FREM1: variants seen among roughly 807,000 people sequenced by gnomAD.
The protein encoded by FREM1 is FRAS1-related extracellular matrix protein 1.
In FREM1, 220 loss-of-function variants were observed where a neutral mutation model predicts 210.1. The ratio of observed to expected loss-of-function variants is 1.05; its 90% CI spans 0.94 to 1.17. The LOEUF is 1.17. FREM1 is among the 50% of genes most tolerant of loss of function. FREM1 has a pLI of 0.00. For missense variants in FREM1, 3,454 were observed against 2,675.5 expected (o/e 1.29, Z -6.42); for synonymous variants, 1,189 against 980.2 (o/e 1.21, Z -3.98).
In FREM1 at chr9:14,823,302, G is replaced by C. The variant is rs761908383; in HGVS notation, c.2195C>G (p.Ala732Gly). 12 of 1,613,830 alleles carry C rather than the reference G, an allele frequency of 7.4e-6. No individual in the cohort carries two copies. Among genetic ancestry groups the C allele is most frequent in the Non-Finnish European group, 9.3e-6 (11 of 1,179,792 alleles). The change falls in exon 13 of 37, where the codon GCC becomes GGC. Residue 732 changes from alanine (A) to glycine (G), a missense_variant. Transcript: ENST00000380880. The part of the protein sequence containing the change: ...TQHAVNYMKV[A>G]YMPPMQDIGP... Reference sequence around the variant, plus strand: ...AATGTCTTGCATGGGGGGCATGTAGGCCACTTTCATATAGTTCACAGCATG... The same window carrying C: ...AATGTCTTGCATGGGGGGCATGTAGCCCACTTTCATATAGTTCACAGCATG...
At chr9:14,760,005 C>G (rs1217903986) in intron 27 of FREM1, 104 bp from the exon 28 acceptor site, 1 of 773,230 alleles carries the variant, frequency 1.3e-6, no homozygotes, top group Non-Finnish European at 2.0e-6. Context: ...TCAACCTACA[C>G]CAGTGATGGA....
chr9:14,807,242 G>A (rs1436858157), intron 17 of FREM1, among the ~76,000 whole-genome samples: 1 of 152,160 alleles, frequency 6.6e-6, no homozygotes, highest in East Asian at 1.9e-4. Flanking sequence ...CGTAGTTTAT[G>A]TACTCTTCAA....
chr9:14,792,678 T>A (rs892592092), intron 22 of FREM1, 65 bp downstream of exon 22: 1 of 1,198,022 alleles, frequency 8.3e-7, no homozygotes, highest in Non-Finnish European at 1.2e-6. Context: ...CATAGAAATG[T>A]GTATATTGAG....
chr9:14,775,756 C>T, intron 25 of FREM1, 33 bp downstream of exon 25: 1 of 1,054,830 alleles, frequency 9.5e-7, no homozygotes, highest in Non-Finnish European at 1.4e-6. Context: ...GTTTTCACAT[C>T]TCTGGCAAAT....
At chr9:14,851,225 G>C (rs1827680930) in intron 6 of FREM1, 59 bp downstream of exon 6, 3 of 1,249,974 alleles carry the variant, frequency 2.4e-6, no homozygotes, top group Non-Finnish European at 2.2e-6. Flanking sequence ...TAGGGTAGGG[G>C]GTTCTTAAAT....
At chr9:14,864,025 G>A in intron 2 of FREM1, 122 bp from the exon 3 acceptor site, 1 of 666,190 alleles carries the variant, frequency 1.5e-6, no homozygotes, top group Admixed American at 2.1e-5. Context: ...ATGTGTGTGA[G>A]TGTGTGTGTC....
intron 27 of FREM1, among the ~76,000 whole-genome samples, chr9:14,763,228 G>T (rs148980369): frequency 7.9e-5 from 12 of 152,278 alleles, no homozygotes; most frequent in African/African-American, 2.9e-4. Flanking sequence ...TGTCCTGTGT[G>T]GGAATGATGT....
intron 10 of FREM1, among the ~76,000 whole-genome samples, chr9:14,838,806 TCTTA>T (rs1315709893): frequency 6.6e-6 from 1 of 152,154 alleles, no homozygotes; most frequent in African/African-American, 2.4e-5. Context: ...GAAATAGTGG[TCTTA>T]CTTTACAGAA....
At chr9:14,783,899 T>G (rs1041444588) in intron 24 of FREM1, among the ~76,000 whole-genome samples, 5 of 152,324 alleles carry the variant, frequency 3.3e-5, no homozygotes, top group African/African-American at 1.2e-4. Context: ...AGTCTCTGTT[T>G]ATGCCAAATG....
chr9:14,889,025 T>C (rs1836313651), intron 1 of FREM1, among the ~76,000 whole-genome samples: 1 of 152,214 alleles, frequency 6.6e-6, no homozygotes, highest in Admixed American at 6.5e-5. Flanking sequence ...TTCCTTGCAA[T>C]TGTGCTTTTA....
intron 16 of FREM1, among the ~76,000 whole-genome samples, chr9:14,809,041 T>G (rs534362762): frequency 2.0e-5 from 3 of 152,264 alleles, no homozygotes; most frequent in African/African-American, 7.2e-5. Flanking sequence ...ATTCCCACAT[T>G]TCGTGAGAGG....
At chr9:14,905,610 C>T (rs763256040) in intron 1 of FREM1, among the ~76,000 whole-genome samples, 9 of 152,156 alleles carry the variant, frequency 5.9e-5, no homozygotes, top group Admixed American at 3.3e-4. Flanking sequence ...AAGTGAGGGT[C>T]GGGGGCAGTG....
chr9:14,782,368 C>G, intron 24 of FREM1: 1 of 982,600 alleles, frequency 1.0e-6, no homozygotes, highest in Non-Finnish European at 1.2e-6. Context: ...CGATTAATAT[C>G]TAACCTTCAT....
At chr9:14,840,832 G>A (rs1161153794) in intron 10 of FREM1, among the ~76,000 whole-genome samples, 1 of 152,044 alleles carries the variant, frequency 6.6e-6, no homozygotes, top group Non-Finnish European at 1.5e-5. Flanking sequence ...TTTCTATATG[G>A]CAATGTTTGC....
chr9:14,784,272 T>G (rs568278787), intron 24 of FREM1, 98 bp downstream of exon 24: 1 of 1,084,320 alleles, frequency 9.2e-7, no homozygotes, highest in South Asian at 1.9e-5. Flanking sequence ...ATACATGTAT[T>G]TTGTGAAATG....
In FREM1 at chr9:14,851,625, A is replaced by G. The variant is rs748059771; in HGVS notation, c.829-18T>C. Reference sequence around the variant, plus strand: ...CTCTCTGACTTTTGAAGGATAGAGAAAATATAAAGGAGGAAATAATATGAA... The same window carrying G: ...CTCTCTGACTTTTGAAGGATAGAGAGAATATAAAGGAGGAAATAATATGAA... On this transcript the variant is annotated intron_variant, in intron 5 of 36. Coordinates refer to ENST00000380880, the MANE Select transcript of FREM1 (RefSeq NM_001379081.2). 13 of 1,548,616 alleles carry G rather than the reference A, an allele frequency of 8.4e-6. No homozygotes were observed. In the East Asian group the frequency reaches 2.9e-4, roughly 35 times the overall value.
chr9:14,861,813 A>T (rs1052922791), intron 3 of FREM1, among the ~76,000 whole-genome samples: 20 of 151,798 alleles, frequency 1.3e-4, no homozygotes, highest in Admixed American at 6.6e-5. Context: ...GGCCCTCTTA[A>T]CCTTTTTGTT....
intron 3 of FREM1, among the ~76,000 whole-genome samples, chr9:14,861,588 C>T (rs1342872611): frequency 2.0e-5 from 3 of 149,226 alleles, no homozygotes; most frequent in Admixed American, 1.4e-4. Context: ...CTCACCGCAA[C>T]CTCTGCCTCC....
intron 21 of FREM1, among the ~76,000 whole-genome samples, 179 bp from the exon 22 acceptor site, chr9:14,793,063 A>G (rs1174417907): frequency 6.6e-6 from 1 of 152,242 alleles, no homozygotes; most frequent in Non-Finnish European, 1.5e-5. Flanking sequence ...CTCACACGTG[A>G]AAGTCTGAAA....
Sources: allele counts gnomAD v4.1 joint callset (sites outside exome capture counted in the v4.1 genomes callset), GRCh38; gene constraint gnomAD v4.1.1; transcripts MANE v1.5; gene names NCBI Gene and HGNC (gene_info 2026-07-23, HGNC 2026-07-21).